The following GPATCH1 variants were observed in gnomAD, a reference collection of about 807,000 sequenced individuals.
GPATCH1 encodes G patch domain-containing protein 1.
A neutral mutation model predicts 114.9 loss-of-function variants in GPATCH1; 73 were observed. The ratio of observed to expected loss-of-function variants is 0.64; its 90% CI spans 0.53 to 0.77. The LOEUF (loss-of-function observed/expected upper bound fraction) is 0.77, where lower values mean the gene tolerates loss of function less well. GPATCH1 is among the 30% of genes least tolerant of loss of function. The pLI is 0.00. For synonymous variants in GPATCH1, 391 were observed against 428.4 expected (o/e 0.91, Z 1.08); for missense variants, 1,058 against 1,144.3 (o/e 0.92, Z 1.09).
At position 33,088,286 on chromosome 19, in the gene GPATCH1, G is replaced by A; in HGVS notation, c.208+18G>A. 3 of 1,562,136 alleles carry A rather than the reference G, an allele frequency of 1.9e-6. No individual in the cohort carries two copies. The highest frequency in any genetic ancestry group is 1.7e-6 in the Non-Finnish European group (2 of 1,144,606). ...AAAAGAAGGTATCATTTTCCTAATTGTAGCTATTATACCATTAAAGCAAAT... is the reference window on the plus strand; with the variant it reads ...AAAAGAAGGTATCATTTTCCTAATTATAGCTATTATACCATTAAAGCAAAT... On this transcript the variant is annotated intron_variant, in intron 2 of 19. Transcript: ENST00000170564.
chr19:33,126,713 G>C lies in GPATCH1; in HGVS notation c.2745G>C (p.Ser915=), dbSNP rs757562627. The C allele has an allele frequency of 6.2e-7, 1 of 1,612,906 alleles. No individual in the cohort carries two copies. Among genetic ancestry groups the C allele is most frequent in the Non-Finnish European group, 8.5e-7 (1 of 1,179,830 alleles). The change falls in exon 19 of 20, where the codon TCG becomes TCC. Residue 915 remains serine (S), a synonymous_variant. Coordinates refer to ENST00000170564, the MANE Select transcript of GPATCH1 (RefSeq NM_018025.3). ...SQSDEETADV[S]PQELLRRLKS... is the part of the protein sequence containing the mutation. ...GTGACGAGGAAACCGCAGACGTGTCGCCCCAGGAGCTGCTGAGACGGTGGG... is the reference window on the plus strand; with the variant it reads ...GTGACGAGGAAACCGCAGACGTGTCCCCCCAGGAGCTGCTGAGACGGTGGG...
chr19:33,083,106 TG>T (rs59963268), intron 1 of GPATCH1, among the ~76,000 whole-genome samples: 34,978 of 141,550 alleles, frequency 0.25, 5,186 homozygotes, highest in African/African-American at 0.42. Context: ...CTGGGCGTGG[TG>T]GGGGGGGGCT....
chr19:33,116,473 T>C (rs1972916951), intron 15 of GPATCH1, among the ~76,000 whole-genome samples: 1 of 152,230 alleles, frequency 6.6e-6, no homozygotes, highest in African/African-American at 2.4e-5. Flanking sequence ...TTTGTCTTCA[T>C]TCCTGAAGGA....
chr19:33,109,047 C>T lies in GPATCH1; in HGVS notation c.1286-670C>T, dbSNP rs115543837. On this transcript the variant is annotated intron_variant, in intron 10 of 19. Coordinates refer to ENST00000170564, the MANE Select transcript of GPATCH1 (RefSeq NM_018025.3). ...CAGCTTGGGAAACATGGCGTAATCC[C>T]GTCTACAAAAAATACAAAAAGTAGT... 1.3e-3 allele frequency among the ~76,000 whole-genome samples: 204 copies of T among 152,000 alleles called. 1 individual carries two copies. Among genetic ancestry groups the T allele is most frequent in the African/African-American group, 4.9e-3 (202 of 41,448 alleles).
chr19:33,114,224 G>C, intron 14 of GPATCH1, 29 bp from the exon 15 acceptor site: 1 of 1,579,022 alleles, frequency 6.3e-7, no homozygotes, highest in Non-Finnish European at 8.6e-7. Flanking sequence ...TGCTAATGCT[G>C]GAGTTTATAT....
intron 16 of GPATCH1, 88 bp downstream of exon 16, chr19:33,118,129 C>A: frequency 3.7e-6 from 3 of 810,690 alleles, no homozygotes; most frequent in Non-Finnish European, 6.1e-6. Context: ...TAATCTTAAA[C>A]CCGAATGATT....
chr19:33,106,694 G>T lies in GPATCH1; in HGVS notation c.1081-1G>T. On this transcript the variant is annotated splice_acceptor_variant, in intron 9 of 19. Coordinates refer to ENST00000170564, the MANE Select transcript of GPATCH1 (RefSeq NM_018025.3). LOFTEE classifies it high-confidence loss of function. ...TCTGGGTTTTGTCTTGGTTTGTTAA[G>T]ATCTATCCACCTCCAGAGCTGCCAA... 1.9e-6 allele frequency: 3 copies of T among 1,611,586 alleles called. No individual in the cohort carries two copies. Among genetic ancestry groups the T allele is most frequent in the Non-Finnish European group, 2.5e-6 (3 of 1,178,480 alleles).
At chr19:33,119,978 A>G (rs975281824) in intron 17 of GPATCH1, among the ~76,000 whole-genome samples, 6 of 143,496 alleles carry the variant, frequency 4.2e-5, no homozygotes, top group Admixed American at 1.4e-4. Flanking sequence ...ACAAATTTAT[A>G]TATTTTATAT....
chr19:33,097,903 G>A lies in GPATCH1; in HGVS notation c.1000+1G>A. 2 of 1,613,610 alleles carry A rather than the reference G, an allele frequency of 1.2e-6. No individual in the cohort carries two copies. Among genetic ancestry groups the A allele is most frequent in the Non-Finnish European group, 1.7e-6 (2 of 1,179,818 alleles). ...CCCAGGCAGTATAAAAACCAGAAAGGTAATTCGACAGCCACAAACCTAATG... is the reference window on the plus strand; with the variant it reads ...CCCAGGCAGTATAAAAACCAGAAAGATAATTCGACAGCCACAAACCTAATG... On this transcript the variant is annotated splice_donor_variant, in intron 8 of 19. Coordinates refer to ENST00000170564, the MANE Select transcript of GPATCH1 (RefSeq NM_018025.3). LOFTEE classifies it high-confidence loss of function.
At chr19:33,127,855 C>T (rs1011330071) in intron 19 of GPATCH1, among the ~76,000 whole-genome samples, 22 of 151,644 alleles carry the variant, frequency 1.5e-4, no homozygotes, top group African/African-American at 4.8e-4. Flanking sequence ...ATTACAGGCA[C>T]CCGCCCCCAC....
chr19:33,097,609 C>T (rs1972676580), intron 7 of GPATCH1, 146 bp from the exon 8 acceptor site: 1 of 702,880 alleles, frequency 1.4e-6, no homozygotes, highest in African/African-American at 1.8e-5. Context: ...GTGTGTTGGT[C>T]GATCTGGGAC....
At position 33,082,008 on chromosome 19, in the gene GPATCH1, A is replaced by C. The variant is rs975417218; in HGVS notation, c.73+742A>C. 3.4e-5 allele frequency among the ~76,000 whole-genome samples: 5 copies of C among 146,222 alleles called. 1 individual carries two copies. Among genetic ancestry groups the C allele is most frequent in the African/African-American group, 1.3e-4 (5 of 39,620 alleles). On this transcript the variant is annotated intron_variant, in intron 1 of 19. Coordinates refer to ENST00000170564, the MANE Select transcript of GPATCH1 (RefSeq NM_018025.3). ...CAGGCTTGAGCCACTGTGCTCGGCC[A>C]ATTTTTAATGTTATTCTATCTTTGA...
intron 17 of GPATCH1, among the ~76,000 whole-genome samples, chr19:33,122,218 G>C (rs1972992409): frequency 6.6e-6 from 1 of 152,072 alleles, no homozygotes; most frequent in Admixed American, 6.6e-5. Flanking sequence ...ATGTTGGTCA[G>C]GCTGGTCTTG....
chr19:33,081,540 G>A (rs1253938286), intron 1 of GPATCH1, among the ~76,000 whole-genome samples: 1 of 152,132 alleles, frequency 6.6e-6, no homozygotes, highest in Non-Finnish European at 1.5e-5. Context: ...GAGAGCGGGG[G>A]GTGCTCAGGC....
chr19:33,120,724 TCA>T (rs1308200734), intron 17 of GPATCH1, among the ~76,000 whole-genome samples: 1 of 151,172 alleles, frequency 6.6e-6, no homozygotes, highest in Non-Finnish European at 1.5e-5. Flanking sequence ...GCACGGTGGC[TCA>T]CGCCTGTCAT....
At chr19:33,090,689 G>A (rs1599851230) in intron 2 of GPATCH1, 91 bp from the exon 3 acceptor site, 1 of 753,418 alleles carries the variant, frequency 1.3e-6, no homozygotes, top group Non-Finnish European at 2.3e-6. Flanking sequence ...TAGTTATTGG[G>A]AATTTCAAGT....
At chr19:33,095,475 G>T (rs942165199) in intron 5 of GPATCH1, among the ~76,000 whole-genome samples, 3 of 151,628 alleles carry the variant, frequency 2.0e-5, no homozygotes, top group Admixed American at 6.6e-5. Flanking sequence ...TGTTGGTCAG[G>T]CTGGTCTCCA....
In GPATCH1 at chr19:33,081,278, G is replaced by A. The variant is rs1176722835; in HGVS notation, c.73+12G>A. On this transcript the variant is annotated intron_variant, in intron 1 of 19. Transcript: ENST00000170564. ...GCCTCTGGAAGAAGGTGCGGGCCGC[G>A]TGGGCCGGCGGAGCCTGTGGAAAAC... 1 of 1,549,038 alleles carries A rather than the reference G, an allele frequency of 6.5e-7. No homozygotes were observed. Among genetic ancestry groups the A allele is most frequent in the East Asian group, 2.4e-5 (1 of 40,896 alleles).
At chr19:33,123,073 AAAATAAATAAATAAATAAATAAAT>A (rs35241970) in intron 17 of GPATCH1, among the ~76,000 whole-genome samples, 5 of 138,338 alleles carry the variant, frequency 3.6e-5, no homozygotes, top group East Asian at 4.3e-4. Context: ...TGCTGTCTCA[AAAATAAATAAATAAATAAATAAAT>A]AAATAAATAA....
Sources: allele counts gnomAD v4.1 joint callset (sites outside exome capture counted in the v4.1 genomes callset), GRCh38; gene constraint gnomAD v4.1.1; transcripts MANE v1.5; gene names NCBI Gene and HGNC (gene_info 2026-07-23, HGNC 2026-07-21).